Variants in CCDC91 observed in about 807,000 individuals in gnomAD.
CCDC91 encodes coiled-coil domain-containing protein 91.
A neutral mutation model predicts 63.2 loss-of-function variants in CCDC91; 48 were observed. The observed-to-expected ratio is 0.76, with a 90% CI of 0.60 to 0.97. The LOEUF (loss-of-function observed/expected upper bound fraction) is 0.97. Among genes scored for constraint, CCDC91 ranks in the 50% least tolerant of loss-of-function variants. CCDC91 has a pLI of 0.00. For missense variants in CCDC91, 500 were observed against 494.6 expected (o/e 1.01, Z -0.10); for synonymous variants, 167 against 165.8 (o/e 1.01, Z -0.06).
intron 1 of CCDC91, among the ~76,000 whole-genome samples, chr12:28,254,836 A>C (rs912524543): frequency 3.5e-5 from 5 of 143,206 alleles, no homozygotes; most frequent in African/African-American, 1.3e-4. Context: ...CAATGGTGCG[A>C]TCTCGGCTCA....
intron 8 of CCDC91, among the ~76,000 whole-genome samples, chr12:28,444,929 A>T (rs987494774): frequency 6.6e-6 from 1 of 152,152 alleles, no homozygotes; most frequent in African/African-American, 2.4e-5. Context: ...CAATAGAAGC[A>T]TTTCAGCAGA....
At chr12:28,504,244 G>A (rs1053030824) in intron 12 of CCDC91, among the ~76,000 whole-genome samples, 2 of 151,496 alleles carry the variant, frequency 1.3e-5, no homozygotes, top group Admixed American at 1.3e-4. Context: ...CAAAAAAAAA[G>A]CACTCTAGTA....
intron 6 of CCDC91, among the ~76,000 whole-genome samples, chr12:28,354,237 C>T (rs1053335022): frequency 6.6e-5 from 10 of 152,042 alleles, no homozygotes; most frequent in East Asian, 5.8e-4. Flanking sequence ...TTACGTCTTC[C>T]GGCTTCTATT....
chr12:28,306,362 C>A (rs1193657192), intron 4 of CCDC91, among the ~76,000 whole-genome samples: 1 of 152,002 alleles, frequency 6.6e-6, no homozygotes, highest in South Asian at 2.1e-4. Context: ...TGATAAATTT[C>A]AGAGTTTGAT....
chr12:28,474,259 G>A (rs1339194870), intron 11 of CCDC91, among the ~76,000 whole-genome samples: 3 of 152,036 alleles, frequency 2.0e-5, no homozygotes, highest in Admixed American at 6.6e-5. Flanking sequence ...ATGCAGTGAA[G>A]TTAAAAATGA....
intron 8 of CCDC91, among the ~76,000 whole-genome samples, chr12:28,430,998 C>T (rs1173592629): frequency 6.6e-6 from 1 of 152,102 alleles, no homozygotes; most frequent in Non-Finnish European, 1.5e-5. Flanking sequence ...TCTACTTCAG[C>T]ACAAAATTTT....
intron 11 of CCDC91, among the ~76,000 whole-genome samples, chr12:28,465,940 A>G (rs1484269326): frequency 1.3e-5 from 2 of 152,196 alleles, no homozygotes; most frequent in African/African-American, 2.4e-5. Flanking sequence ...GAAGGAATTC[A>G]GAATTCTATC....
At chr12:28,313,208 A>C (rs1346546704) in intron 6 of CCDC91, among the ~76,000 whole-genome samples, 2 of 151,976 alleles carry the variant, frequency 1.3e-5, no homozygotes, top group African/African-American at 4.8e-5. Flanking sequence ...TGGTGCCTGC[A>C]TCTCTGTGGT....
At chr12:28,401,397 C>T (rs1258646020) in intron 8 of CCDC91, among the ~76,000 whole-genome samples, 4 of 152,076 alleles carry the variant, frequency 2.6e-5, no homozygotes, top group Non-Finnish European at 5.9e-5. Flanking sequence ...ATAACTGCCC[C>T]CATGATTAAA....
chr12:28,404,566 A>G (rs1946819692), intron 8 of CCDC91, among the ~76,000 whole-genome samples: 1 of 151,954 alleles, frequency 6.6e-6, no homozygotes, highest in Admixed American at 6.6e-5. Context: ...TGCCTGCTAG[A>G]TCTATTTCTG....
At chr12:28,302,734 G>A (rs1938214884) in intron 3 of CCDC91, 2 of 686,250 alleles carry the variant, frequency 2.9e-6, no homozygotes, top group East Asian at 1.3e-4. Flanking sequence ...AAAACATGAA[G>A]CAAAGCAGGT....
At chr12:28,293,093 A>G (rs1949346794) in intron 3 of CCDC91, among the ~76,000 whole-genome samples, 1 of 152,232 alleles carries the variant, frequency 6.6e-6, no homozygotes, top group Admixed American at 6.5e-5. Context: ...ATACATAGTG[A>G]TTAAGTCAAA....
intron 8 of CCDC91, among the ~76,000 whole-genome samples, chr12:28,445,206 A>G (rs950537144): frequency 4.6e-5 from 7 of 152,190 alleles, no homozygotes; most frequent in African/African-American, 1.4e-4. Flanking sequence ...TCCTAACAGC[A>G]TATTATGGTG....
At chr12:28,383,997 A>C (rs190099470) in intron 7 of CCDC91, among the ~76,000 whole-genome samples, 2 of 152,148 alleles carry the variant, frequency 1.3e-5, no homozygotes, top group Non-Finnish European at 2.9e-5. Flanking sequence ...TAGACCTCCA[A>C]ATTGGCTAAA....
At chr12:28,258,081 G>A (rs1416578441) in intron 2 of CCDC91, among the ~76,000 whole-genome samples, 1 of 151,940 alleles carries the variant, frequency 6.6e-6, no homozygotes, top group East Asian at 1.9e-4. Flanking sequence ...AGAATGGTGT[G>A]AGGTTTTTGT....
At chr12:28,427,915 TA>T (rs1426804043) in intron 8 of CCDC91, among the ~76,000 whole-genome samples, 1 of 152,188 alleles carries the variant, frequency 6.6e-6, no homozygotes, top group East Asian at 1.9e-4. Flanking sequence ...TTTCTTAGAT[TA>T]AAAGCTTTTT....
At chr12:28,382,429 C>T (rs565259998) in intron 7 of CCDC91, among the ~76,000 whole-genome samples, 2 of 152,026 alleles carry the variant, frequency 1.3e-5, no homozygotes, top group African/African-American at 4.8e-5. Context: ...TCTCAAACAA[C>T]AAACTGTTAG....
intron 12 of CCDC91, among the ~76,000 whole-genome samples, chr12:28,487,626 A>T (rs942116783): frequency 6.6e-5 from 10 of 151,632 alleles, no homozygotes; most frequent in Admixed American, 2.0e-4. Context: ...TCCAGAATAA[A>T]AATTTTCCTT....
rs1949734300 is a variant in CCDC91, at chr12:28,450,243, A to G, written c.845A>G (p.Gln282Arg). The change falls in exon 9 of 13, where the codon CAA (glutamine) becomes CGA (arginine). Residue 282 changes from glutamine (Q) to arginine (R), a missense_variant. By Grantham distance (43) the Gln-to-Arg change is conservative (BLOSUM62 1). Coordinates refer to ENST00000536442, the MANE Select transcript of CCDC91 (RefSeq NM_018318.5). ...KIKEALIQQS[Q>R]EQKEILEKCL... is the part of the protein sequence containing the mutation. ...AAGGAAGCTTTGATTCAGCAATCTC[A>G]AGAACAGAAGGTAATACTTTAACTG... is the stretch of plus-strand genomic sequence containing the variant. The G allele has an allele frequency of 1.2e-6, 2 of 1,602,992 alleles. No homozygotes were observed. The highest frequency in any genetic ancestry group is 1.7e-6 in the Non-Finnish European group (2 of 1,170,948).
Sources: allele counts gnomAD v4.1 joint callset (sites outside exome capture counted in the v4.1 genomes callset), GRCh38; gene constraint gnomAD v4.1.1; transcripts MANE v1.5; gene names NCBI Gene and HGNC (gene_info 2026-07-23, HGNC 2026-07-21).